The following CFAP54 variants were observed in gnomAD, a reference collection of about 807,000 sequenced individuals.
CFAP54 encodes cilia- and flagella-associated protein 54.
CFAP54 carries 290 observed loss-of-function variants against 370.4 expected under a neutral mutation model. The ratio of observed to expected loss-of-function variants is 0.78; its 90% CI spans 0.71 to 0.86. The LOEUF (loss-of-function observed/expected upper bound fraction) is 0.86. CFAP54 is among the 40% of genes least tolerant of loss of function. The probability of loss-of-function intolerance (pLI) is 0.00; values close to 1 mark genes in which losing one functional copy is unlikely to be tolerated. For synonymous variants in CFAP54, 1,206 were observed against 1,236.5 expected, an observed-to-expected ratio of 0.98 and a Z score of 0.52; for missense variants, 3,399 against 3,528.7, an observed-to-expected ratio of 0.96 and a Z score of 0.93.
At chr12:96,712,830 C>T (rs1030570329) in intron 48 of CFAP54, among the ~76,000 whole-genome samples, 4 of 151,696 alleles carry the variant, frequency 2.6e-5, no homozygotes, top group African/African-American at 7.3e-5. Flanking sequence ...CTCAAATAAC[C>T]CAATAGCAAA....
At chr12:96,792,905 A>G (rs1226255943) in intron 63 of CFAP54, among the ~76,000 whole-genome samples, 1 of 151,960 alleles carries the variant, frequency 6.6e-6, no homozygotes, top group African/African-American at 2.4e-5. Flanking sequence ...ATAATGTTAG[A>G]TCAATGTTGT....
chr12:96,634,046 C>CTTTTTTT lies in CFAP54; in HGVS notation c.4316+3416_4316+3422dup, dbSNP rs71437232. On this transcript the variant is annotated intron_variant, in intron 32 of 67. Transcript: ENST00000524981. Reference sequence around the variant, plus strand: ...TCTAATGGCTAATGATAGCGAACATCTTTTTTTTTTTTTTTTTTTTTTTTT... The same window carrying CTTTTTTT: ...TCTAATGGCTAATGATAGCGAACATCTTTTTTTTTTTTTTTTTTTTTTTTTTTTTTTT... 1.0e-3 allele frequency among the ~76,000 whole-genome samples: 57 copies of CTTTTTTT among 56,900 alleles called. 11 individuals are homozygous for CTTTTTTT. The highest frequency in any genetic ancestry group is 1.9e-3 in the African/African-American group (30 of 15,816). 37.3% of individuals were successfully genotyped at this position (56,900 alleles called of 152,430 possible).
At chr12:96,779,364 G>A (rs959019898) in intron 60 of CFAP54, among the ~76,000 whole-genome samples, 3 of 152,040 alleles carry the variant, frequency 2.0e-5, no homozygotes, top group African/African-American at 4.8e-5. Flanking sequence ...CCCTATGTTT[G>A]TGTGATTCAT....
At chr12:96,738,824 A>G (rs1348609031) in intron 50 of CFAP54, among the ~76,000 whole-genome samples, 1 of 152,168 alleles carries the variant, frequency 6.6e-6, no homozygotes, top group Non-Finnish European at 1.5e-5. Context: ...GTTAGCCAGG[A>G]TGGCCTTGAT....
intron 17 of CFAP54, among the ~76,000 whole-genome samples, chr12:96,562,335 A>C (rs187275437): frequency 1.3e-5 from 2 of 151,900 alleles, no homozygotes; most frequent in Non-Finnish European, 2.9e-5. Flanking sequence ...AATGTCATAC[A>C]TCAGAGAACT....
At chr12:96,750,125 C>T (rs1202853950) in intron 55 of CFAP54, among the ~76,000 whole-genome samples, 1 of 152,238 alleles carries the variant, frequency 6.6e-6, no homozygotes, top group Non-Finnish European at 1.5e-5. Context: ...CTCTTTGGAG[C>T]TAGAGACCTT....
At chr12:96,490,058 A>G (rs1954862098) in intron 1 of CFAP54, 132 bp downstream of exon 1, 2 of 789,064 alleles carry the variant, frequency 2.5e-6, no homozygotes, top group African/African-American at 3.5e-5. Context: ...AGGGCCCAGG[A>G]GAGACAAAGT....
intron 63 of CFAP54, among the ~76,000 whole-genome samples, chr12:96,795,636 C>T (rs1958753688): frequency 6.6e-6 from 1 of 152,038 alleles, no homozygotes; most frequent in African/African-American, 2.4e-5. Context: ...ACCGTGCCCT[C>T]CCAATGTCAG....
At chr12:96,592,457 A>G in intron 23 of CFAP54, 33 bp from the exon 24 acceptor site, 3 of 445,636 alleles carry the variant, frequency 6.7e-6, no homozygotes, top group Middle Eastern at 5.9e-4. Flanking sequence ...AAATCAATTT[A>G]TATTTATACC....
intron 48 of CFAP54, among the ~76,000 whole-genome samples, chr12:96,715,993 T>A (rs1957673473): frequency 6.6e-6 from 1 of 152,146 alleles, no homozygotes; most frequent in African/African-American, 2.4e-5. Context: ...AAACTTTCAG[T>A]TTCCCTTTTT....
chr12:96,580,826 G>GTT, intron 21 of CFAP54, 94 bp from the exon 22 acceptor site: 2 of 1,140,952 alleles, frequency 1.8e-6, no homozygotes, highest in Non-Finnish European at 2.3e-6. Flanking sequence ...AAAGAAAAAG[G>GTT]TTTTTTTTTA....
At chr12:96,580,807 C>A in intron 21 of CFAP54, 113 bp from the exon 22 acceptor site, 2 of 1,109,124 alleles carry the variant, frequency 1.8e-6, no homozygotes, top group South Asian at 4.3e-5. Context: ...TAACTAAAAT[C>A]CAACAATGAA....
At chr12:96,825,397 T>C (rs1257267796) in intron 65 of CFAP54, among the ~76,000 whole-genome samples, 9 of 109,012 alleles carry the variant, frequency 8.3e-5, no homozygotes, top group Non-Finnish European at 1.4e-4. Flanking sequence ...TTATGTAACA[T>C]GTTGTATTAT....
At chr12:96,689,032 G>A in intron 43 of CFAP54, 50 bp downstream of exon 43, 1 of 1,168,524 alleles carries the variant, frequency 8.6e-7, no homozygotes. Context: ...ACCATTCATT[G>A]GATCAGTAAA....
intron 56 of CFAP54, among the ~76,000 whole-genome samples, chr12:96,755,092 C>G (rs1276819730): frequency 1.3e-5 from 2 of 152,180 alleles, no homozygotes; most frequent in Non-Finnish European, 2.9e-5. Context: ...GGGCTGGGAG[C>G]TGTGAGGGCC....
chr12:96,524,896 T>C (rs1419011271), intron 8 of CFAP54, among the ~76,000 whole-genome samples: 5 of 152,214 alleles, frequency 3.3e-5, no homozygotes, highest in Non-Finnish European at 7.3e-5. Context: ...ATTATTACTT[T>C]AGTTCTTTCA....
chr12:96,569,619 G>T (rs1466837127), intron 19 of CFAP54, among the ~76,000 whole-genome samples: 1 of 152,108 alleles, frequency 6.6e-6, no homozygotes, highest in African/African-American at 2.4e-5. Context: ...AGTACTATTT[G>T]TAGGAACCTA....
chr12:96,840,290 A>G (rs1408940834), intron 66 of CFAP54, among the ~76,000 whole-genome samples: 1 of 152,204 alleles, frequency 6.6e-6, no homozygotes, highest in Non-Finnish European at 1.5e-5. Context: ...TAATCTATGC[A>G]GTTTTTCTGG....
chr12:96,521,275 A>G (rs983141920), intron 6 of CFAP54, among the ~76,000 whole-genome samples: 1 of 152,306 alleles, frequency 6.6e-6, no homozygotes, highest in African/African-American at 2.4e-5. Context: ...CTTTGAACTC[A>G]TTTGTTATCT....
Sources: allele counts gnomAD v4.1 joint callset (sites outside exome capture counted in the v4.1 genomes callset), GRCh38; gene constraint gnomAD v4.1.1; transcripts MANE v1.5; gene names NCBI Gene and HGNC (gene_info 2026-07-23, HGNC 2026-07-21).